Variants in TRAPPC12 observed in about 807,000 individuals in gnomAD.
TRAPPC12 encodes TPR repeat protein 15.
In TRAPPC12, 61 loss-of-function variants were observed where a neutral mutation model predicts 69.2. The ratio of observed to expected loss-of-function variants is 0.88; its 90% CI spans 0.72 to 1.09. The LOEUF (loss-of-function observed/expected upper bound fraction) is 1.09, where lower values mean the gene tolerates loss of function less well. TRAPPC12 is among the 50% of genes least tolerant of loss of function. The pLI, the probability that TRAPPC12 is intolerant of heterozygous loss-of-function variation, is 0.00. For missense variants in TRAPPC12, 1,101 were observed against 1,016.4 expected (o/e 1.08, Z -1.13); for synonymous variants, 469 against 438.9 (o/e 1.07, Z -0.86).
At chr2:3,464,035 C>T (rs1665658368) in intron 8 of TRAPPC12, among the ~76,000 whole-genome samples, 1 of 152,184 alleles carries the variant, frequency 6.6e-6, no homozygotes, top group African/African-American at 2.4e-5. Flanking sequence ...ACAGCTGCAT[C>T]TGGGGTGCCA....
chr2:3,459,226 G>T (rs1042918488), intron 7 of TRAPPC12, among the ~76,000 whole-genome samples: 1 of 152,224 alleles, frequency 6.6e-6, no homozygotes, highest in Admixed American at 6.5e-5. Context: ...CCAGGGCCTG[G>T]TGCTGCCCAG....
intron 2 of TRAPPC12, among the ~76,000 whole-genome samples, chr2:3,390,460 G>A (rs764602869): frequency 1.3e-5 from 2 of 152,180 alleles, no homozygotes; most frequent in Non-Finnish European, 2.9e-5. Flanking sequence ...AGGGTGGTTT[G>A]TAATTGCAAA....
intron 2 of TRAPPC12, among the ~76,000 whole-genome samples, chr2:3,392,165 A>G (rs1487612745): frequency 2.0e-5 from 3 of 152,166 alleles, no homozygotes; most frequent in Non-Finnish European, 4.4e-5. Context: ...CTTTCAAGGA[A>G]TGGAAAACAC....
intron 2 of TRAPPC12, 91 bp downstream of exon 2, chr2:3,388,761 A>C: frequency 7.8e-7 from 1 of 1,284,168 alleles, no homozygotes; most frequent in Non-Finnish European, 1.0e-6. Flanking sequence ...GAGAAGGAGA[A>C]GGCCTTGTTT....
intron 3 of TRAPPC12, among the ~76,000 whole-genome samples, chr2:3,412,342 C>T (rs1162873090): frequency 6.6e-6 from 1 of 152,078 alleles, no homozygotes; most frequent in Non-Finnish European, 1.5e-5. Context: ...AGGTGGATCA[C>T]CTGAGGTCAG....
At chr2:3,472,232 G>GC (rs1429112373) in intron 9 of TRAPPC12, among the ~76,000 whole-genome samples, 1 of 152,178 alleles carries the variant, frequency 6.6e-6, no homozygotes, top group Non-Finnish European at 1.5e-5. Context: ...GGAAGGAAGG[G>GC]CCAGGGAAGC....
intron 9 of TRAPPC12, among the ~76,000 whole-genome samples, chr2:3,470,292 C>A (rs1351868621): frequency 6.6e-6 from 1 of 152,268 alleles, no homozygotes; most frequent in African/African-American, 2.4e-5. Context: ...ACACCCTGTT[C>A]CACAAGGAAG....
intron 8 of TRAPPC12, chr2:3,463,137 TGAG>T (rs1665601516): frequency 3.1e-6 from 1 of 325,202 alleles, no homozygotes; most frequent in East Asian, 9.6e-5. Flanking sequence ...TAAGCTCTCT[TGAG>T]GAGCTTCTTT....
chr2:3,463,645 C>T (rs1665636759), intron 8 of TRAPPC12, among the ~76,000 whole-genome samples: 1 of 151,548 alleles, frequency 6.6e-6, no homozygotes, highest in Non-Finnish European at 1.5e-5. Flanking sequence ...CTGGCCACGG[C>T]ATCGCCCACT....
At chr2:3,462,935 C>T (rs1056058782) in intron 8 of TRAPPC12, 9 of 471,076 alleles carry the variant, frequency 1.9e-5, no homozygotes, top group Non-Finnish European at 4.0e-5. Context: ...CAGCTACCTT[C>T]CGTCTTGCTG....
chr2:3,428,806 C>T (rs1234731706), intron 5 of TRAPPC12, among the ~76,000 whole-genome samples: 2 of 152,182 alleles, frequency 1.3e-5, no homozygotes, highest in Non-Finnish European at 2.9e-5. Flanking sequence ...GCCCCGCGCC[C>T]CCGGAGCTGA....
chr2:3,404,563 G>A (rs1368096719), intron 3 of TRAPPC12, among the ~76,000 whole-genome samples: 1 of 152,142 alleles, frequency 6.6e-6, no homozygotes, highest in Non-Finnish European at 1.5e-5. Flanking sequence ...CATGAACTGG[G>A]AGGTGACATG....
chr2:3,464,172 TCATACA>T (rs1233504004), intron 8 of TRAPPC12, among the ~76,000 whole-genome samples: 5 of 151,128 alleles, frequency 3.3e-5, no homozygotes, highest in Non-Finnish European at 4.4e-5. Flanking sequence ...ACGCTCACAC[TCATACA>T]CAATGCTCAC....
At chr2:3,398,140 T>C (rs1392477177) in intron 2 of TRAPPC12, among the ~76,000 whole-genome samples, 1 of 152,246 alleles carries the variant, frequency 6.6e-6, no homozygotes, top group Non-Finnish European at 1.5e-5. Flanking sequence ...TTTCTACCTT[T>C]TGGCTGTTGT....
intron 2 of TRAPPC12, among the ~76,000 whole-genome samples, chr2:3,398,180 A>G (rs556407688): frequency 6.6e-6 from 1 of 152,356 alleles, no homozygotes; most frequent in East Asian, 1.9e-4. Flanking sequence ...ATTCACACAC[A>G]GGCGTTTGTG....
intron 1 of TRAPPC12, among the ~76,000 whole-genome samples, chr2:3,380,128 C>T (rs1478945665): frequency 6.6e-6 from 1 of 152,214 alleles, no homozygotes; most frequent in African/African-American, 2.4e-5. Flanking sequence ...TCTCTGCAGC[C>T]CGCGGAGTTT....
intron 3 of TRAPPC12, among the ~76,000 whole-genome samples, chr2:3,420,330 C>T (rs892987843): frequency 9.2e-5 from 14 of 152,080 alleles, no homozygotes; most frequent in Admixed American, 3.3e-4. Context: ...GCCCAGCACC[C>T]GTTCCTTTCC....
chr2:3,415,381 T>C (rs766230448), intron 3 of TRAPPC12, among the ~76,000 whole-genome samples: 11 of 151,086 alleles, frequency 7.3e-5, no homozygotes, highest in Non-Finnish European at 1.0e-4. Flanking sequence ...TTCAGTAGGT[T>C]AGATGGTGCA....
At chr2:3,416,261 A>G (rs10779975) in intron 3 of TRAPPC12, among the ~76,000 whole-genome samples, 96,841 of 151,976 alleles carry the variant, frequency 0.64, 31,392 homozygotes, top group African/African-American at 0.76. Flanking sequence ...AGCCTGCCCC[A>G]CCAGCCCAGC....
Sources: gnomAD v4.1 joint callset for allele counts (sites outside exome capture counted in the v4.1 genomes callset) on GRCh38, gnomAD v4.1.1 for gene constraint, MANE v1.5 for transcripts, NCBI Gene and HGNC (gene_info 2026-07-23, HGNC 2026-07-21) for gene names.